The following USP24 variants were observed in gnomAD, a reference collection of about 807,000 sequenced individuals.
USP24 encodes ubiquitin specific peptidase 24.
In USP24, 97 loss-of-function variants were observed where a neutral mutation model predicts 361.6. The ratio of observed to expected loss-of-function variants is 0.27; its 90% CI spans 0.23 to 0.32. USP24 has a LOEUF of 0.32. USP24 is among the 10% of genes least tolerant of loss of function. The pLI, the probability that USP24 is intolerant of heterozygous loss-of-function variation, is 1.00. For missense variants in USP24, 2,353 were observed against 3,165.6 expected, an observed-to-expected ratio of 0.74 and a Z score of 6.16; for synonymous variants, 1,098 against 1,124.6, an observed-to-expected ratio of 0.98 and a Z score of 0.47.
intron 47 of USP24, 107 bp downstream of exon 47, chr1:55,097,836 T>C: frequency 6.6e-7 from 1 of 1,512,494 alleles, no homozygotes; most frequent in Non-Finnish European, 8.8e-7. Context: ...AATGACACAA[T>C]CTAATGGAAA....
chr1:55,213,364 T>A (rs1341631792), intron 1 of USP24, among the ~76,000 whole-genome samples: 1 of 152,248 alleles, frequency 6.6e-6, no homozygotes, highest in African/African-American at 2.4e-5. Flanking sequence ...ATCTAGCAAC[T>A]GTGTCTAAGT....
chr1:55,075,718 G>A (rs1376794022), intron 62 of USP24, among the ~76,000 whole-genome samples, 195 bp from the exon 63 acceptor site: 2 of 152,024 alleles, frequency 1.3e-5, no homozygotes, highest in Non-Finnish European at 2.9e-5. Context: ...TGTTATCTCA[G>A]CACTTTGCAA....
chr1:55,078,302 A>AT (rs1461874229), intron 61 of USP24, among the ~76,000 whole-genome samples: 1 of 151,132 alleles, frequency 6.6e-6, no homozygotes, highest in Non-Finnish European at 1.5e-5. Flanking sequence ...CCTGGCCTAT[A>AT]TTTTTTCTTT....
chr1:55,111,505 CAAATAA>C (rs1050414515), intron 38 of USP24, among the ~76,000 whole-genome samples: 60 of 152,062 alleles, frequency 3.9e-4, no homozygotes, highest in Admixed American at 7.9e-4. Flanking sequence ...ATTGGTCTTT[CAAATAA>C]AAAGTTCATC....
At chr1:55,213,704 C>T (rs1644905989) in intron 1 of USP24, among the ~76,000 whole-genome samples, 1 of 152,134 alleles carries the variant, frequency 6.6e-6, no homozygotes, top group Non-Finnish European at 1.5e-5. Context: ...TATGTTTCTG[C>T]AAAGTAATTA....
intron 20 of USP24, among the ~76,000 whole-genome samples, chr1:55,144,575 A>C (rs1646977726): frequency 6.6e-6 from 1 of 152,208 alleles, no homozygotes; most frequent in Non-Finnish European, 1.5e-5. Context: ...AATATAAACA[A>C]ATGGCCAATA....
rs184986797 is a variant in USP24 at position 55,096,290 on chromosome 1, G to C, written c.6061+208C>G. On this transcript the variant is annotated intron_variant, in intron 50 of 67. Coordinates refer to ENST00000294383, the MANE Select transcript of USP24 (RefSeq NM_015306.3). Reference sequence around the variant, plus strand: ...CCCCTACCTATCCCTCAAGGTTGTTGTAAGAAATTATTTAAAAAAATTTTT... The same window carrying C: ...CCCCTACCTATCCCTCAAGGTTGTTCTAAGAAATTATTTAAAAAAATTTTT... 2.0e-3 allele frequency among the ~76,000 whole-genome samples: 306 copies of C among 152,172 alleles called. 1 individual carries two copies. The highest frequency in any genetic ancestry group is 3.4e-3 in the Non-Finnish European group (229 of 67,998).
intron 1 of USP24, among the ~76,000 whole-genome samples, chr1:55,206,825 TCA>T (rs1164812784): frequency 6.6e-6 from 1 of 152,094 alleles, no homozygotes; most frequent in Non-Finnish European, 1.5e-5. Context: ...GTGTTGCTAT[TCA>T]CAGAGTACCT....
intron 1 of USP24, among the ~76,000 whole-genome samples, chr1:55,189,481 G>A (rs546702218): frequency 5.3e-5 from 8 of 152,238 alleles, no homozygotes; most frequent in South Asian, 4.1e-4. Flanking sequence ...ATAAAAGGCC[G>A]CATATTGTAT....
chr1:55,157,424 TATAG>T (rs748030905), intron 10 of USP24, 54 bp from the exon 11 acceptor site: 70 of 964,702 alleles, frequency 7.3e-5, no homozygotes, highest in Admixed American at 4.2e-4. Flanking sequence ...CAAATATTTA[TATAG>T]ATAGATAGAT....
Position 55,074,404 on chromosome 1 carries a change from C to T in USP24, c.7448-498G>A, listed in dbSNP as rs144513272. On this transcript the variant is annotated intron_variant, in intron 63 of 67. Transcript: ENST00000294383. Reference sequence around the variant, plus strand: ...ATCCCTGCACTTTGGGAGGCAAAGGCGGGTGGATCACTTGAGGTCAGGAGT... The same window carrying T: ...ATCCCTGCACTTTGGGAGGCAAAGGTGGGTGGATCACTTGAGGTCAGGAGT... Among the ~76,000 whole-genome samples the T allele has an allele frequency of 3.4e-3, 520 of 152,046 alleles. 3 individuals are homozygous for T. The highest frequency in any genetic ancestry group is 0.011 in the African/African-American group (476 of 41,494).
chr1:55,153,535 A>C (rs146227681), intron 16 of USP24, among the ~76,000 whole-genome samples: 3 of 152,266 alleles, frequency 2.0e-5, no homozygotes, highest in Non-Finnish European at 2.9e-5. Flanking sequence ...AAACAAGCAC[A>C]ATATTTATTT....
intron 1 of USP24, 66 bp from the exon 2 acceptor site, chr1:55,178,198 A>G: frequency 1.3e-6 from 2 of 1,522,144 alleles, no homozygotes; most frequent in Non-Finnish European, 1.8e-6. Flanking sequence ...AAAATTTCCT[A>G]TGTAACACAG....
At chr1:55,086,717 A>C (rs1280355660) in intron 55 of USP24, among the ~76,000 whole-genome samples, 2 of 152,260 alleles carry the variant, frequency 1.3e-5, no homozygotes, top group Non-Finnish European at 2.9e-5. Context: ...CTTCAGATAC[A>C]CGCTGAAAAT....
chr1:55,137,838 C>T lies in USP24; in HGVS notation c.2995G>A (p.Asp999Asn), dbSNP rs1407411854. 1.3e-6 allele frequency: 2 copies of T among 1,596,328 alleles called. No homozygotes were observed. Among genetic ancestry groups the T allele is most frequent in the African/African-American group, 2.7e-5 (2 of 74,432 alleles). Residue 999 changes from aspartate to asparagine, a missense_variant, in exon 27 of 68, where the codon GAT becomes AAT. Asp to Asn is a conservative substitution (Grantham distance 23). Transcript: ENST00000294383. ...TCATTTGTAAATATCTGTATATTAT[C>T]CACAGGAGAGCACAACTGCTTGGCT... ...KIAKQLCSPV[D>N]NIQIFTNDSL...
At chr1:55,168,169 AGAAGG>A (rs1371880770) in intron 5 of USP24, among the ~76,000 whole-genome samples, 1 of 152,136 alleles carries the variant, frequency 6.6e-6, no homozygotes, top group African/African-American at 2.4e-5. Context: ...AATATCTCCA[AGAAGG>A]GAGCAACTGG....
At chr1:55,097,370 G>A (rs1645520224) in intron 48 of USP24, among the ~76,000 whole-genome samples, 198 bp from the exon 49 acceptor site, 2 of 152,090 alleles carry the variant, frequency 1.3e-5, no homozygotes, top group Admixed American at 1.3e-4. Context: ...CCCTAAGGAA[G>A]GCATTTTCCT....
At chr1:55,167,034 C>G (rs1011322190) in intron 5 of USP24, among the ~76,000 whole-genome samples, 7 of 152,178 alleles carry the variant, frequency 4.6e-5, no homozygotes, top group African/African-American at 1.7e-4. Context: ...ATTTTCTCCT[C>G]TTTTTCTTTT....
intron 28 of USP24, 108 bp downstream of exon 28, chr1:55,137,407 T>G: frequency 1.5e-6 from 2 of 1,316,604 alleles, no homozygotes; most frequent in Non-Finnish European, 2.0e-6. Context: ...CACAACAAGC[T>G]TGAACACTAA....
Sources: allele counts gnomAD v4.1 joint callset (sites outside exome capture counted in the v4.1 genomes callset), GRCh38; gene constraint gnomAD v4.1.1; transcripts MANE v1.5; gene names NCBI Gene and HGNC (gene_info 2026-07-23, HGNC 2026-07-21).